Variants in CHD9 observed in about 807,000 individuals in gnomAD.
The protein encoded by CHD9 is ATP-dependent chromatin remodeler CHD9.
A neutral mutation model predicts 316.1 loss-of-function variants in CHD9; 77 were observed. The observed-to-expected ratio is 0.24, with a 90% CI of 0.20 to 0.29. The LOEUF is 0.29. Ranked by LOEUF, CHD9 falls within the 10% of genes least tolerant of loss-of-function variation. The pLI, the probability that CHD9 is intolerant of heterozygous loss-of-function variation, is 1.00. For missense variants in CHD9, 2,763 were observed against 3,438.1 expected (o/e 0.80, Z 4.91); for synonymous variants, 1,129 against 1,158.3 (o/e 0.97, Z 0.51).
chr16:53,306,251 A>G lies in CHD9; in HGVS notation c.6634A>G (p.Met2212Val). The change falls in exon 32 of 39, where the codon ATG (methionine) becomes GTG (valine). Residue 2212 changes from methionine to valine, a missense_variant. Met to Val is a conservative substitution (Grantham distance 21, BLOSUM62 1). Transcript: ENST00000447540. ...GTTTTTAGCAGAAAGTACTACTCAC[A>G]TGAAAGCCTATGATGAAGAAAGCGT... is the stretch of plus-strand genomic sequence containing the variant. ...EAQKRESTTH[M>V]KAYDEESVAS... 6.4e-7 allele frequency: 1 copy of G among 1,570,994 alleles called. No homozygotes were observed. Among genetic ancestry groups the G allele is most frequent in the Non-Finnish European group, 8.6e-7 (1 of 1,163,310 alleles).
chr16:53,297,601 A>G (rs1237732722), intron 30 of CHD9, among the ~76,000 whole-genome samples: 1 of 152,222 alleles, frequency 6.6e-6, no homozygotes, highest in Non-Finnish European at 1.5e-5. Context: ...CATCTTCACA[A>G]AAGACTACTA....
In CHD9 at chr16:53,327,327, T is replaced by C. The variant is rs928035899; in HGVS notation, c.*2432T>C. 2.0e-5 allele frequency: 3 copies of C among 152,720 alleles called. No individual in the cohort carries two copies. Among genetic ancestry groups the C allele is most frequent in the South Asian group, 2.1e-4 (1 of 4,826 alleles). 9.5% of individuals were successfully genotyped at this position (152,720 alleles called of 1,614,324 possible). On this transcript the variant is annotated 3_prime_UTR_variant, in exon 39 of 39. Transcript: ENST00000447540. ...TTCAAGTCTTAGTCCAATCTTTCTT[T>C]TGGACATTTGCAATATTTACCAGTT...
chr16:53,103,593 G>T (rs1802307340), intron 1 of CHD9, among the ~76,000 whole-genome samples: 1 of 152,180 alleles, frequency 6.6e-6, no homozygotes, highest in Non-Finnish European at 1.5e-5. Context: ...GCAAACTGAG[G>T]TTCTGAATGG....
chr16:53,245,763 A>G lies in CHD9; in HGVS notation c.3367A>G (p.Lys1123Glu), dbSNP rs1216911371. Residue 1123 changes from lysine (K) to glutamate (E), a missense_variant, in exon 15 of 39, where the codon AAA (lysine) becomes GAA (glutamate). Transcript: ENST00000447540. This position sits in a 1 kb window ranked among gnomAD's most constrained non-coding sequence, Gnocchi z 4.1. ...GGAAAAGAACTTTTCTTTTTTATCC[A>G]AAGGAGCAGGACAAACTAATGTACC... ...ILEKNFSFLS[K>E]GAGQTNVPNL... 2 of 1,611,126 alleles carry G rather than the reference A, an allele frequency of 1.2e-6. No homozygotes were observed. The highest frequency in any genetic ancestry group is 1.7e-6 in the Non-Finnish European group (2 of 1,178,834).
chr16:53,287,166 G>C (rs1289522787), intron 26 of CHD9, among the ~76,000 whole-genome samples: 1 of 152,140 alleles, frequency 6.6e-6, no homozygotes, highest in Non-Finnish European at 1.5e-5. Flanking sequence ...AGGTCTCCCT[G>C]TGTTGCACAT....
At position 53,314,509 on chromosome 16, in the gene CHD9, CT is replaced by C; in HGVS notation, c.7356del (p.Asn2453IlefsTer5). Reference sequence around the variant, plus strand: ...TTCTTTTTTAACAGAAATAAACCACCTAATCATGTAAGTAAAGCAGTACTTA... The same window carrying C: ...TTCTTTTTTAACAGAAATAAACCACCAATCATGTAAGTAAAGCAGTACTTA... The part of the protein sequence containing the change: ...DIFFFNRNKP[P>X]NHVSLGLTSS... On this transcript the variant is annotated frameshift_variant, in exon 35 of 39. Transcript: ENST00000447540. LOFTEE classifies it high-confidence loss of function. The C allele has an allele frequency of 6.4e-7, 1 of 1,570,022 alleles. No individual in the cohort carries two copies. Among genetic ancestry groups the C allele is most frequent in the Non-Finnish European group, 8.6e-7 (1 of 1,157,364 alleles).
chr16:53,197,985 T>C (rs888928759), intron 2 of CHD9, among the ~76,000 whole-genome samples: 16 of 151,916 alleles, frequency 1.1e-4, no homozygotes, highest in African/African-American at 3.9e-4. Context: ...TTGAACTCTT[T>C]CTGTGATTGG....
chr16:53,269,641 T>G (rs1479381510), intron 22 of CHD9, among the ~76,000 whole-genome samples: 2 of 152,152 alleles, frequency 1.3e-5, no homozygotes, highest in African/African-American at 4.8e-5. Flanking sequence ...CAAATGTAAT[T>G]TCACTCTTTC....
intron 1 of CHD9, among the ~76,000 whole-genome samples, chr16:53,120,742 C>T (rs780799524): frequency 1.4e-4 from 21 of 152,206 alleles, no homozygotes; most frequent in African/African-American, 4.8e-4. Flanking sequence ...CAGTGGCTCA[C>T]GCCTGTAATC....
At chr16:53,255,893 C>T in intron 19 of CHD9, 114 bp downstream of exon 19, 2 of 933,814 alleles carry the variant, frequency 2.1e-6, no homozygotes, top group Non-Finnish European at 1.6e-6. Flanking sequence ...AGCCAAGATG[C>T]AGTAGGTAAT....
At chr16:53,114,678 C>T (rs1163505368) in intron 1 of CHD9, among the ~76,000 whole-genome samples, 2 of 152,212 alleles carry the variant, frequency 1.3e-5, no homozygotes, top group Non-Finnish European at 2.9e-5. Flanking sequence ...AGCTCCGCCT[C>T]GCGGGTTCAC....
chr16:53,254,179 AAAAC>A (rs1480558061), intron 17 of CHD9, among the ~76,000 whole-genome samples: 2 of 152,172 alleles, frequency 1.3e-5, no homozygotes, highest in Admixed American at 6.5e-5. Flanking sequence ...TCCATCTCAA[AAAAC>A]AAACAAAAAA....
intron 2 of CHD9, among the ~76,000 whole-genome samples, chr16:53,196,832 C>T (rs932645371): frequency 2.6e-5 from 4 of 152,168 alleles, no homozygotes; most frequent in African/African-American, 9.7e-5. Flanking sequence ...TTATGTGAAT[C>T]ATCTCCAGTG....
chr16:53,143,358 T>TTTTATTTATTTA (rs55793321), intron 1 of CHD9, among the ~76,000 whole-genome samples: 1,818 of 137,968 alleles, frequency 0.013, 16 homozygotes, highest in East Asian at 0.021. Flanking sequence ...TTTTATCTTA[T>TTTTATTTATTTA]TTTATTTATT....
intron 2 of CHD9, among the ~76,000 whole-genome samples, chr16:53,188,236 T>TGATG (rs2044191227): frequency 6.6e-6 from 1 of 152,248 alleles, no homozygotes; most frequent in African/African-American, 2.4e-5. Context: ...CATTTATTAG[T>TGATG]GATGGATATT....
intron 36 of CHD9, 93 bp from the exon 37 acceptor site, chr16:53,318,119 C>A: frequency 2.1e-6 from 2 of 950,410 alleles, no homozygotes; most frequent in Non-Finnish European, 3.0e-6. Flanking sequence ...AAGGTAAATG[C>A]TATTAAATTA....
intron 1 of CHD9, among the ~76,000 whole-genome samples, chr16:53,103,160 TA>T (rs869224309): frequency 3.3e-3 from 48 of 14,398 alleles, no homozygotes; most frequent in African/African-American, 4.1e-3. Flanking sequence ...CCTGTCTCTT[TA>T]AAAAAAAAAA....
intron 1 of CHD9, among the ~76,000 whole-genome samples, chr16:53,081,835 G>T (rs2035041193): frequency 1.0e-5 from 1 of 96,618 alleles, no homozygotes; most frequent in Non-Finnish European, 2.1e-5. Context: ...TATTTGTCAA[G>T]TTTGTGAATG....
intron 3 of CHD9, among the ~76,000 whole-genome samples, chr16:53,210,761 T>C (rs539150255): frequency 2.0e-5 from 3 of 152,228 alleles, no homozygotes; most frequent in African/African-American, 7.2e-5. Context: ...TATTTAGAAC[T>C]AATGCAATTT....
Sources: allele counts gnomAD v4.1 joint callset (sites outside exome capture counted in the v4.1 genomes callset), GRCh38; gene constraint gnomAD v4.1.1; non-coding constraint Gnocchi (gnomAD v3.1); transcripts MANE v1.5; gene names NCBI Gene and HGNC (gene_info 2026-07-23, HGNC 2026-07-21).